The following NSUN6 variants were observed in gnomAD, a reference collection of about 807,000 sequenced individuals.
NSUN6 encodes the protein tRNA (cytosine(72)-C(5))-methyltransferase NSUN6.
Under a neutral mutation model 58.0 loss-of-function variants are expected in NSUN6, and 64 were observed. That is an observed-to-expected ratio of 1.10 (90% CI 0.90 to 1.36). The LOEUF (loss-of-function observed/expected upper bound fraction) is 1.36. NSUN6 is among the 40% of genes most tolerant of loss of function. The pLI, the probability that NSUN6 is intolerant of heterozygous loss-of-function variation, is 0.00. For synonymous variants in NSUN6, 231 were observed against 193.9 expected (o/e 1.19, Z -1.59); for missense variants, 701 against 550.1 (o/e 1.27, Z -2.74).
chr10:18,656,635 T>A (rs2131625952), upstream of NSUN6, among the ~76,000 whole-genome samples: 1 of 152,332 alleles, frequency 6.6e-6, no homozygotes, highest in Admixed American at 6.5e-5. Context: ...GAAGTTAGTT[T>A]GTAATAGTTC....
At chr10:18,569,968 A>G (rs111163952) in intron 8 of NSUN6, among the ~76,000 whole-genome samples, 2 of 141,882 alleles carry the variant, frequency 1.4e-5, no homozygotes, top group Non-Finnish European at 3.1e-5. Flanking sequence ...CCATTCCATT[A>G]CATTCCCCAT....
intron 8 of NSUN6, among the ~76,000 whole-genome samples, chr10:18,555,517 T>A (rs1020784050): frequency 3.0e-4 from 42 of 142,344 alleles, no homozygotes; most frequent in African/African-American, 9.8e-4. Context: ...GAGAATGGAA[T>A]GGAAGGGAGC....
intron 8 of NSUN6, among the ~76,000 whole-genome samples, chr10:18,558,670 AAATGGAAAAGAATGGAATGG>A (rs1370179631): frequency 1.4e-5 from 2 of 147,658 alleles, no homozygotes; most frequent in Non-Finnish European, 3.0e-5. Flanking sequence ...AAGGAATTGA[AAATGGAAAAGAATGGAATGG>A]AATGGCGGAA....
intron 7 of NSUN6, among the ~76,000 whole-genome samples, chr10:18,593,084 T>G (rs2057440224): frequency 1.3e-5 from 2 of 152,118 alleles, no homozygotes; most frequent in South Asian, 4.1e-4. Context: ...ACATTTATGC[T>G]GCCAATAAAC....
chr10:18,574,851 A>T (rs1348544448), intron 8 of NSUN6, among the ~76,000 whole-genome samples: 1 of 152,134 alleles, frequency 6.6e-6, no homozygotes, highest in Middle Eastern at 3.2e-3. Flanking sequence ...TTGCCAGAGG[A>T]AACAACTATT....
At chr10:18,574,381 C>G (rs902241310) in intron 8 of NSUN6, among the ~76,000 whole-genome samples, 1 of 151,950 alleles carries the variant, frequency 6.6e-6, no homozygotes, top group Admixed American at 6.6e-5. Flanking sequence ...TAACATAGAC[C>G]ACCGAAAATT....
intron 2 of NSUN6, among the ~76,000 whole-genome samples, chr10:18,647,725 GTTT>G (rs571301351): frequency 5.0e-5 from 5 of 100,094 alleles, no homozygotes; most frequent in Non-Finnish European, 6.0e-5. Context: ...TCAACACCTT[GTTT>G]TTTTTTTTTT....
chr10:18,579,326 A>G (rs2131053109), intron 8 of NSUN6, among the ~76,000 whole-genome samples: 1 of 152,048 alleles, frequency 6.6e-6, no homozygotes, highest in East Asian at 1.9e-4. Context: ...GCCCGCCACC[A>G]CATCCAGCTA....
At chr10:18,555,904 G>A (rs2054973320) in intron 8 of NSUN6, among the ~76,000 whole-genome samples, 1 of 67,984 alleles carries the variant, frequency 1.5e-5, no homozygotes, top group Non-Finnish European at 3.2e-5. Flanking sequence ...AGAATGGAAT[G>A]GAGAATGGAA....
intron 8 of NSUN6, among the ~76,000 whole-genome samples, chr10:18,567,587 GCATTCCATTCTC>G (rs1229877753): frequency 7.4e-6 from 1 of 135,816 alleles, no homozygotes; most frequent in Non-Finnish European, 1.6e-5. Flanking sequence ...ATTCTCCATA[GCATTCCATTCTC>G]CATTCCATTC....
rs1244105079 is a variant in NSUN6, at chr10:18,638,976, C to T, written c.311+3500G>A. 4.1e-5 allele frequency among the ~76,000 whole-genome samples: 6 copies of T among 145,958 alleles called. No individual in the cohort carries two copies. In the East Asian group the frequency reaches 9.8e-4, roughly 24 times the overall value. On this transcript the variant is annotated intron_variant, in intron 3 of 10. Coordinates refer to ENST00000377304, the MANE Select transcript of NSUN6 (RefSeq NM_182543.5). ...AAAAAAAAAAAAAAAAAAAACTGGC[C>T]GGCCATGGTGGCTGGCACTTGTAAT...
intron 6 of NSUN6, among the ~76,000 whole-genome samples, chr10:18,602,040 T>C (rs1470984128): frequency 6.6e-6 from 1 of 151,778 alleles, no homozygotes; most frequent in Non-Finnish European, 1.5e-5. Flanking sequence ...AGACAGGTAA[T>C]TCCCCCTTCC....
chr10:18,616,331 A>G, intron 3 of NSUN6, 38 bp from the exon 4 acceptor site: 10 of 1,229,226 alleles, frequency 8.1e-6, no homozygotes, highest in Non-Finnish European at 1.2e-5. Flanking sequence ...ATAGTAACAT[A>G]CCTCCAATGC....
intron 5 of NSUN6, among the ~76,000 whole-genome samples, chr10:18,613,189 C>G (rs1017829091): frequency 6.6e-6 from 1 of 152,070 alleles, no homozygotes; most frequent in Non-Finnish European, 1.5e-5. Context: ...TGCAACCCCC[C>G]GGGTTCAAGC....
chr10:18,638,030 T>C (rs1293312717), intron 3 of NSUN6, among the ~76,000 whole-genome samples: 1 of 152,226 alleles, frequency 6.6e-6, no homozygotes, highest in Non-Finnish European at 1.5e-5. Flanking sequence ...TGATTACTTT[T>C]ATATTTATGT....
intron 5 of NSUN6, among the ~76,000 whole-genome samples, chr10:18,611,363 T>C (rs551053257): frequency 6.6e-6 from 1 of 152,234 alleles, no homozygotes; most frequent in African/African-American, 2.4e-5. Context: ...TGAGTTGATC[T>C]TGGCAGACAT....
At chr10:18,609,733 T>C (rs976897681) in intron 6 of NSUN6, 112 bp downstream of exon 6, 12 of 644,164 alleles carry the variant, frequency 1.9e-5, no homozygotes, top group African/African-American at 1.8e-4. Flanking sequence ...TAGATCAGTG[T>C]ATGTAAGTAG....
intron 3 of NSUN6, among the ~76,000 whole-genome samples, chr10:18,631,021 C>T (rs574046448): frequency 8.4e-4 from 127 of 151,820 alleles, no homozygotes; most frequent in Middle Eastern, 6.8e-3. Flanking sequence ...ACTGGCAAAC[C>T]GAATCCAGCA....
upstream of NSUN6, chr10:18,658,624 ATG>A (rs542017261): frequency 3.5e-5 from 34 of 963,418 alleles, no homozygotes; most frequent in African/African-American, 5.8e-4. Context: ...TGTTATTATT[ATG>A]TGTTATTATT....
Sources: gnomAD v4.1 joint callset for allele counts (sites outside exome capture counted in the v4.1 genomes callset) on GRCh38, gnomAD v4.1.1 for gene constraint, MANE v1.5 for transcripts, NCBI Gene and HGNC (gene_info 2026-07-23, HGNC 2026-07-21) for gene names.